The following PPFIA2 variants were observed in gnomAD, a reference collection of about 807,000 sequenced individuals.
The protein encoded by PPFIA2 is liprin-alpha-2.
Under a neutral mutation model 175.5 loss-of-function variants are expected in PPFIA2, and 46 were observed. The ratio of observed to expected loss-of-function variants is 0.26; its 90% CI spans 0.21 to 0.34. The LOEUF (loss-of-function observed/expected upper bound fraction) is 0.34, where lower values mean the gene tolerates loss of function less well. Ranked by LOEUF, PPFIA2 falls within the 10% of genes least tolerant of loss-of-function variation. The pLI, the probability that PPFIA2 is intolerant of heterozygous loss-of-function variation, is 1.00. For synonymous variants in PPFIA2, 568 were observed against 511.4 expected (o/e 1.11, Z -1.49); for missense variants, 1,179 against 1,506.1 (o/e 0.78, Z 3.60).
At chr12:81,529,587 C>A in intron 4 of PPFIA2, among the ~76,000 whole-genome samples, 1 of 133,520 alleles carries the variant, frequency 7.5e-6, no homozygotes, top group East Asian at 2.4e-4. Flanking sequence ...GAGAGAGATT[C>A]ATATACCAGG....
intron 3 of PPFIA2, among the ~76,000 whole-genome samples, chr12:81,696,612 G>A (rs1244110909): frequency 6.6e-6 from 1 of 152,082 alleles, no homozygotes; most frequent in Non-Finnish European, 1.5e-5. Context: ...GGACCTCATT[G>A]AACAGGGTCT....
chr12:81,335,384 G>C (rs757949682), intron 21 of PPFIA2, among the ~76,000 whole-genome samples: 1 of 152,142 alleles, frequency 6.6e-6, no homozygotes, highest in Non-Finnish European at 1.5e-5. Flanking sequence ...TATCGGTCCT[G>C]TTGTCATGGG....
At position 81,325,883 on chromosome 12, in the gene PPFIA2, G is replaced by A. The variant is rs1194233642; in HGVS notation, c.2549-13C>T. Reference sequence around the variant, plus strand: ...TCCATAAAGCCTCCTGTGAAGAGAAGTAACTAAGTATTCAGATTATGTTGC... The same window carrying A: ...TCCATAAAGCCTCCTGTGAAGAGAAATAACTAAGTATTCAGATTATGTTGC... On this transcript the variant is annotated splice_polypyrimidine_tract_variant and intron_variant, in intron 21 of 32. Coordinates refer to ENST00000549396, the MANE Select transcript of PPFIA2 (RefSeq NM_003625.5). The A allele has an allele frequency of 1.3e-6, 2 of 1,572,724 alleles. No homozygotes were observed. The highest frequency in any genetic ancestry group is 1.7e-6 in the Non-Finnish European group (2 of 1,143,298).
chr12:81,290,100 C>G (rs760753251), intron 24 of PPFIA2, among the ~76,000 whole-genome samples: 3 of 151,584 alleles, frequency 2.0e-5, no homozygotes, highest in Non-Finnish European at 4.4e-5. Context: ...AAAAAAGCCC[C>G]GAAGCCCAAG....
At chr12:81,367,628 G>T (rs1192277519) in intron 13 of PPFIA2, among the ~76,000 whole-genome samples, 1 of 151,524 alleles carries the variant, frequency 6.6e-6, no homozygotes, top group Non-Finnish European at 1.5e-5. Flanking sequence ...CTACTGCAAT[G>T]TGGAATTAAC....
intron 4 of PPFIA2, among the ~76,000 whole-genome samples, chr12:81,520,266 T>C (rs932768545): frequency 1.3e-5 from 2 of 152,120 alleles, no homozygotes; most frequent in Admixed American, 1.3e-4. Context: ...GCAGACAGCA[T>C]GGATATGCTG....
chr12:81,618,477 A>G (rs2061641661), intron 4 of PPFIA2, among the ~76,000 whole-genome samples: 1 of 151,806 alleles, frequency 6.6e-6, no homozygotes. Context: ...TTATTTCTGA[A>G]TAATTAAAAG....
intron 26 of PPFIA2, among the ~76,000 whole-genome samples, chr12:81,282,162 C>G (rs2042223906): frequency 6.6e-6 from 1 of 151,992 alleles, no homozygotes; most frequent in Non-Finnish European, 1.5e-5. Flanking sequence ...CCCAAATCAA[C>G]CATTACCACT....
chr12:81,303,449 T>C (rs984117748), intron 22 of PPFIA2, among the ~76,000 whole-genome samples: 15 of 152,160 alleles, frequency 9.9e-5, no homozygotes, highest in Non-Finnish European at 2.9e-5. Context: ...TGTTATCACT[T>C]GGGTCAAAAC....
intron 3 of PPFIA2, among the ~76,000 whole-genome samples, chr12:81,696,746 C>A (rs1002095477): frequency 1.3e-5 from 2 of 152,020 alleles, no homozygotes; most frequent in South Asian, 2.1e-4. Context: ...GTGATGAATT[C>A]TTCACCCAGT....
intron 4 of PPFIA2, among the ~76,000 whole-genome samples, chr12:81,623,567 G>C (rs1041283703): frequency 6.6e-6 from 1 of 151,968 alleles, no homozygotes; most frequent in Non-Finnish European, 1.5e-5. Context: ...CTTACATTTA[G>C]AGTGTAGGAC....
chr12:81,302,695 C>T (rs1055647805), intron 22 of PPFIA2: 1 of 452,900 alleles, frequency 2.2e-6, no homozygotes, highest in Non-Finnish European at 4.4e-6. Context: ...ATGTGCTTTT[C>T]CTTTTGAGAG....
At chr12:81,690,170 TCTTGAATGCATAGTGCAGTGG>T (rs2075051435) in intron 3 of PPFIA2, among the ~76,000 whole-genome samples, 1 of 152,080 alleles carries the variant, frequency 6.6e-6, no homozygotes, top group Non-Finnish European at 1.5e-5. Flanking sequence ...GGATTGTGAA[TCTTGAATGCATAGTGCAGTGG>T]CTATGTAACA....
intron 4 of PPFIA2, among the ~76,000 whole-genome samples, chr12:81,475,296 G>C (rs1381295174): frequency 6.6e-6 from 1 of 152,124 alleles, no homozygotes; most frequent in Non-Finnish European, 1.5e-5. Context: ...ACTAAAGTTT[G>C]ATGCAGATTA....
At chr12:81,295,080 A>G (rs1390110698) in intron 23 of PPFIA2, 45 bp from the exon 24 acceptor site, 1 of 1,540,130 alleles carries the variant, frequency 6.5e-7, no homozygotes, top group African/African-American at 1.4e-5. Flanking sequence ...AATAATAGTT[A>G]TCATTTTAGT....
At chr12:81,462,239 G>A (rs2054662569) in intron 4 of PPFIA2, among the ~76,000 whole-genome samples, 1 of 132,990 alleles carries the variant, frequency 7.5e-6, no homozygotes, top group Admixed American at 7.9e-5. Flanking sequence ...ATTATTGTCT[G>A]CCATGCTTTT....
At chr12:81,756,221 T>C (rs779593041) in intron 2 of PPFIA2, among the ~76,000 whole-genome samples, 40 of 152,260 alleles carry the variant, frequency 2.6e-4, no homozygotes, top group Admixed American at 7.8e-4. Context: ...TGACAATTTG[T>C]GCCCAAACAC....
At chr12:81,630,661 A>G (rs1023141720) in intron 4 of PPFIA2, among the ~76,000 whole-genome samples, 4 of 152,116 alleles carry the variant, frequency 2.6e-5, no homozygotes, top group African/African-American at 9.7e-5. Flanking sequence ...TAATACCTTC[A>G]ACAGCTCAAA....
chr12:81,674,565 G>A (rs1160987048), intron 4 of PPFIA2, among the ~76,000 whole-genome samples: 1 of 152,024 alleles, frequency 6.6e-6, no homozygotes, highest in Admixed American at 6.6e-5. Context: ...CTACTCGCTA[G>A]GCTGAAGCAG....
Sources: gnomAD v4.1 joint callset for allele counts (sites outside exome capture counted in the v4.1 genomes callset) on GRCh38, gnomAD v4.1.1 for gene constraint, MANE v1.5 for transcripts, NCBI Gene and HGNC (gene_info 2026-07-23, HGNC 2026-07-21) for gene names.